Variants in NIBAN1 observed in about 807,000 individuals in gnomAD.
NIBAN1 encodes the protein niban apoptosis regulator 1.
A neutral mutation model predicts 75.1 loss-of-function variants in NIBAN1; 81 were observed. That is an observed-to-expected ratio of 1.08 (90% CI 0.90 to 1.30). The LOEUF (loss-of-function observed/expected upper bound fraction) is 1.30, where lower values mean the gene tolerates loss of function less well. Among genes scored for constraint, NIBAN1 ranks in the 50% most tolerant of loss-of-function variants. The pLI is 0.00. For missense variants in NIBAN1, 1,133 were observed against 1,128.1 expected (o/e 1.00, Z -0.06); for synonymous variants, 436 against 424.8 (o/e 1.03, Z -0.32).
chr1:184,882,543 C>A (rs1480482527), intron 5 of NIBAN1, among the ~76,000 whole-genome samples: 1 of 152,120 alleles, frequency 6.6e-6, no homozygotes, highest in Non-Finnish European at 1.5e-5. Context: ...TGACACAGAA[C>A]CAAGGAAATA....
chr1:184,910,047 A>G (rs1251323775), intron 1 of NIBAN1, among the ~76,000 whole-genome samples: 3 of 152,152 alleles, frequency 2.0e-5, no homozygotes, highest in Non-Finnish European at 4.4e-5. Context: ...CCTTTTTCCT[A>G]TGGAAATTGC....
chr1:184,816,754 C>T (rs1173147795), intron 9 of NIBAN1, among the ~76,000 whole-genome samples: 1 of 151,872 alleles, frequency 6.6e-6, no homozygotes, highest in Non-Finnish European at 1.5e-5. Context: ...TACTGTTTCC[C>T]AGTGGGTTTC....
intron 1 of NIBAN1, among the ~76,000 whole-genome samples, chr1:184,928,876 C>A (rs565537251): frequency 2.0e-5 from 3 of 152,072 alleles, no homozygotes; most frequent in African/African-American, 7.2e-5. Flanking sequence ...GGAGGAAAAT[C>A]GCTGGAGGCT....
chr1:184,855,804 C>A (rs1655662548), intron 5 of NIBAN1, among the ~76,000 whole-genome samples: 1 of 152,162 alleles, frequency 6.6e-6, no homozygotes, highest in Non-Finnish European at 1.5e-5. Flanking sequence ...TTGGCACACA[C>A]TATATACTCA....
intron 1 of NIBAN1, among the ~76,000 whole-genome samples, chr1:184,968,750 G>A (rs1395272566): frequency 5.9e-5 from 9 of 152,096 alleles, no homozygotes. Flanking sequence ...GTTTGTCTAT[G>A]GACAACAATA....
chr1:184,970,813 TC>T (rs1310363495), intron 1 of NIBAN1, among the ~76,000 whole-genome samples: 4 of 152,208 alleles, frequency 2.6e-5, no homozygotes. Flanking sequence ...CCACAGGACT[TC>T]TTATGTGGGA....
intron 1 of NIBAN1, among the ~76,000 whole-genome samples, chr1:184,922,250 C>T (rs1411976544): frequency 6.6e-6 from 1 of 152,032 alleles, no homozygotes; most frequent in Non-Finnish European, 1.5e-5. Context: ...GTGTTACAAA[C>T]AATCCATTTA....
chr1:184,844,441 CA>C (rs1655381819), intron 5 of NIBAN1, among the ~76,000 whole-genome samples: 1 of 152,170 alleles, frequency 6.6e-6, no homozygotes, highest in Admixed American at 6.5e-5. Flanking sequence ...TTGAACTTGT[CA>C]GAGGCTTTTA....
intron 6 of NIBAN1, among the ~76,000 whole-genome samples, chr1:184,827,329 C>T (rs1024206154): frequency 6.6e-6 from 1 of 152,058 alleles, no homozygotes; most frequent in African/African-American, 2.4e-5. Context: ...CATCCTCCGA[C>T]TTTCAGCCCC....
At chr1:184,885,694 T>C (rs1454522360) in intron 4 of NIBAN1, among the ~76,000 whole-genome samples, 1 of 152,100 alleles carries the variant, frequency 6.6e-6, no homozygotes, top group Non-Finnish European at 1.5e-5. Context: ...TCAACCTTAT[T>C]CTCACCTCAG....
intron 5 of NIBAN1, among the ~76,000 whole-genome samples, chr1:184,855,109 A>C (rs532396314): frequency 6.6e-6 from 1 of 152,292 alleles, no homozygotes; most frequent in African/African-American, 2.4e-5. Flanking sequence ...ATAGAACTAA[A>C]ATGGACTTTA....
chr1:184,946,706 G>C (rs962138944), intron 1 of NIBAN1, among the ~76,000 whole-genome samples: 1 of 152,164 alleles, frequency 6.6e-6, no homozygotes, highest in African/African-American at 2.4e-5. Context: ...TAGAATACCT[G>C]CTATTGGGAG....
chr1:184,891,113 A>G (rs1470494972), intron 3 of NIBAN1, among the ~76,000 whole-genome samples: 1 of 152,240 alleles, frequency 6.6e-6, no homozygotes, highest in Non-Finnish European at 1.5e-5. Flanking sequence ...TTCTGCAGCA[A>G]TAAGATAGTG....
Position 184,922,895 on chromosome 1 carries a change from A to C in NIBAN1, c.56-23586T>G, listed in dbSNP as rs558473986. On this transcript the variant is annotated intron_variant, in intron 1 of 13. Transcript: ENST00000367511. The stretch of plus-strand genomic sequence containing the variant: ...CTGCTGGGATTACAGACGTGAGTTA[A>C]ATCACGCCTGATTTAACTTAGATTG... Among the ~76,000 whole-genome samples the C allele has an allele frequency of 3.9e-5, 6 of 152,212 alleles. No individual in the cohort carries two copies. The East Asian group carries it at 1.2e-3, about 29-fold the overall frequency.
chr1:184,949,337 G>A (rs942519196), intron 1 of NIBAN1, among the ~76,000 whole-genome samples: 11 of 152,184 alleles, frequency 7.2e-5, no homozygotes, highest in Admixed American at 4.6e-4. Flanking sequence ...CAGCCTGGGC[G>A]ACAGAGCGAG....
intron 3 of NIBAN1, 31 bp from the exon 4 acceptor site, chr1:184,890,253 T>A (rs1656633311): frequency 6.6e-7 from 1 of 1,525,320 alleles, no homozygotes; most frequent in South Asian, 1.1e-5. Context: ...AGGAATGATA[T>A]CTTTTTCCCC....
chr1:184,939,234 A>G (rs1658031797), intron 1 of NIBAN1, among the ~76,000 whole-genome samples: 1 of 152,252 alleles, frequency 6.6e-6, no homozygotes, highest in African/African-American at 2.4e-5. Flanking sequence ...GCACCACATC[A>G]GTGCCATAAA....
chr1:184,885,473 C>G (rs1018181976), intron 4 of NIBAN1, among the ~76,000 whole-genome samples: 3 of 152,188 alleles, frequency 2.0e-5, no homozygotes, highest in African/African-American at 7.2e-5. Context: ...CCGCGCCCAG[C>G]CTGGGCACAA....
At chr1:184,842,994 C>G (rs1655336534) in intron 5 of NIBAN1, among the ~76,000 whole-genome samples, 1 of 152,186 alleles carries the variant, frequency 6.6e-6, no homozygotes, top group Non-Finnish European at 1.5e-5. Context: ...CCCTCCTTAG[C>G]AGGTTACAAA....
Sources: gnomAD v4.1 joint callset for allele counts (sites outside exome capture counted in the v4.1 genomes callset) on GRCh38, gnomAD v4.1.1 for gene constraint, MANE v1.5 for transcripts, NCBI Gene and HGNC (gene_info 2026-07-23, HGNC 2026-07-21) for gene names.